The following AKAP13 variants were observed in gnomAD, a reference collection of about 807,000 sequenced individuals.
AKAP13 encodes A-kinase anchoring protein 13.
AKAP13 carries 80 observed loss-of-function variants against 264.5 expected under a neutral mutation model. The ratio of observed to expected loss-of-function variants is 0.30; its 90% CI spans 0.25 to 0.36. The LOEUF (loss-of-function observed/expected upper bound fraction) is 0.36, where lower values mean the gene tolerates loss of function less well. Among genes scored for constraint, AKAP13 ranks in the 10% least tolerant of loss-of-function variants. AKAP13 has a pLI of 1.00. For synonymous variants in AKAP13, 1,380 were observed against 1,250.2 expected, an observed-to-expected ratio of 1.10 and a Z score of -2.19; for missense variants, 3,712 against 3,435.2, an observed-to-expected ratio of 1.08 and a Z score of -2.01.
chr15:85,725,459 C>T lies in AKAP13; in HGVS notation c.6746-951C>T, dbSNP rs375981246. 2.0e-4 allele frequency among the ~76,000 whole-genome samples: 31 copies of T among 152,102 alleles called. No individual in the cohort carries two copies. The East Asian group carries it at 5.4e-3, about 27-fold the overall frequency. Reference sequence around the variant, plus strand: ...AAAAAAACTTTTTCATAACTGATGGCAGTACACAGAAAATTGCAGTAGTTT... The same window carrying T: ...AAAAAAACTTTTTCATAACTGATGGTAGTACACAGAAAATTGCAGTAGTTT... On this transcript the variant is annotated intron_variant, in intron 26 of 36. Coordinates refer to ENST00000394518, the MANE Select transcript of AKAP13 (RefSeq NM_007200.5).
chr15:85,639,977 T>G, intron 9 of AKAP13, among the ~76,000 whole-genome samples: 1 of 152,210 alleles, frequency 6.6e-6, no homozygotes, highest in East Asian at 1.9e-4. Flanking sequence ...ATTAAGTCTT[T>G]CCTTAAGTAC....
rs554653029 is a variant in AKAP13 at position 85,533,856 on chromosome 15, T to C, written c.454T>C (p.Leu152=). ...GAAGCTGCCCACGGAGTGGAATGTA[T>C]TGGGGACAGATCAGAGTTTGCATGG... ...HLKLPTEWNV[L]GTDQSLHDAG... is the part of the protein sequence containing the mutation. The change falls in exon 4 of 37, where the codon TTG becomes CTG. Residue 152 remains leucine, a synonymous_variant. Transcript: ENST00000394518. The C allele has an allele frequency of 3.4e-5, 54 of 1,605,662 alleles. No individual in the cohort carries two copies. Among genetic ancestry groups the C allele is most frequent in the Middle Eastern group, 1.7e-4 (1 of 6,010 alleles).
intron 1 of AKAP13, among the ~76,000 whole-genome samples, chr15:85,478,053 C>A (rs1173751815): frequency 6.6e-6 from 1 of 152,200 alleles, no homozygotes; most frequent in Non-Finnish European, 1.5e-5. Flanking sequence ...TCTGGACCCC[C>A]CATCTTCTAG....
Position 85,581,617 on chromosome 15 carries a change from A to C in AKAP13, c.3549A>C (p.Ala1183=), listed in dbSNP as rs914526402. The C allele has an allele frequency of 8.7e-6, 14 of 1,614,066 alleles. No individual in the cohort carries two copies. In the African/African-American group the frequency reaches 1.9e-4, roughly 22 times the overall value. ...AGGAAGCCCAAATAGACGATGAAGC[A>C]CATCCTGTCCTACTGCAGCCTGTTG... ...DAEEAQIDDE[A]HPVLLQPVAK... Residue 1183 remains alanine, a synonymous_variant, in exon 7 of 37, where the codon GCA becomes GCC. Transcript: ENST00000394518.
intron 8 of AKAP13, among the ~76,000 whole-genome samples, chr15:85,612,599 A>T (rs1286207662): frequency 6.6e-6 from 1 of 152,108 alleles, no homozygotes; most frequent in Non-Finnish European, 1.5e-5. Flanking sequence ...AGGCGGGTGG[A>T]TCATTTGAGG....
chr15:85,667,398 T>C (rs1327753383), intron 13 of AKAP13, among the ~76,000 whole-genome samples: 1 of 152,220 alleles, frequency 6.6e-6, no homozygotes, highest in East Asian at 1.9e-4. Context: ...ATGAAGAATA[T>C]GCTTGTTGAA....
intron 26 of AKAP13, among the ~76,000 whole-genome samples, chr15:85,723,626 G>T (rs1021539643): frequency 2.0e-5 from 3 of 152,112 alleles, no homozygotes; most frequent in African/African-American, 4.8e-5. Context: ...TGTCAAGGAA[G>T]GTGTATTCCC....
rs183878791 is a variant in AKAP13 at position 85,744,213 on chromosome 15, G to T, written c.8392+388G>T. On this transcript the variant is annotated intron_variant, in intron 36 of 36. Transcript: ENST00000394518. ...GAAGTTGGCACTGCTAACCCCAAGA[G>T]AAGTGAGGAAACTGAGGCTCACAGA... 5.3e-3 allele frequency: 1,581 copies of T among 296,374 alleles called. 10 individuals carry two copies. The highest frequency in any genetic ancestry group is 0.016 in the South Asian group (412 of 25,126). 18.4% of individuals were successfully genotyped at this position (296,374 alleles called of 1,614,324 possible).
At chr15:85,649,547 G>A (rs917152341) in intron 10 of AKAP13, among the ~76,000 whole-genome samples, 3 of 152,204 alleles carry the variant, frequency 2.0e-5, no homozygotes, top group Non-Finnish European at 4.4e-5. Context: ...TGTGAACCAT[G>A]AGTGGTACAT....
In AKAP13 at chr15:85,599,501, G is replaced by T. The variant is rs146605552; in HGVS notation, c.4161+13678G>T. ...TCAGGTGATTGACATTTGCTCCTGG[G>T]TGTCAGAGTTACCGTGTATCTCTAC... On this transcript the variant is annotated intron_variant, in intron 8 of 36. Coordinates refer to ENST00000394518, the MANE Select transcript of AKAP13 (RefSeq NM_007200.5). Among the ~76,000 whole-genome samples the T allele has an allele frequency of 2.3e-3, 350 of 152,268 alleles. 2 individuals are homozygous for T. Among genetic ancestry groups the T allele is most frequent in the Middle Eastern group, 0.017 (5 of 294 alleles).
In AKAP13 at chr15:85,717,240, A is replaced by G. The variant is rs754225952; in HGVS notation, c.5736-50A>G. 11 of 1,240,030 alleles carry G rather than the reference A, an allele frequency of 8.9e-6. No homozygotes were observed. In the East Asian group the frequency reaches 1.5e-4, roughly 17 times the overall value. The allele number at this position is 1,240,030 out of a possible 1,614,324, so 76.8% of individuals were successfully genotyped here. On this transcript the variant is annotated intron_variant, in intron 20 of 36. Coordinates refer to ENST00000394518, the MANE Select transcript of AKAP13 (RefSeq NM_007200.5). ...AGGTACTCATTTAAGAATGCAAGCC[A>G]TAGGTTATCAGAATGTATTTGACAG...
rs961240983 is a variant in AKAP13, at chr15:85,741,304, G to A, written c.7867G>A (p.Glu2623Lys). 9.3e-6 allele frequency: 15 copies of A among 1,612,226 alleles called. No homozygotes were observed. The highest frequency in any genetic ancestry group is 2.2e-5 in the East Asian group (1 of 44,816). ...GCGGGAGGCCCTCCTGGCCCAGCGC[G>A]AGGAGGAGGTGCAGCAGGGGCAGCA... is the stretch of plus-strand genomic sequence containing the variant. ...REREALLAQR[E>K]EEVQQGQQDL... The change falls in exon 35 of 37, where the codon GAG becomes AAG. Residue 2623 changes from glutamate to lysine, a missense_variant. Glu to Lys is a moderately conservative substitution (Grantham distance 56). This residue lies in a region of AKAP13 where 611 missense variants were observed against 539.3 expected (regional missense o/e 1.13). Coordinates refer to ENST00000394518, the MANE Select transcript of AKAP13 (RefSeq NM_007200.5).
rs2089324117 is a variant in AKAP13, at chr15:85,744,958, G to C, written c.*281G>C. On this transcript the variant is annotated 3_prime_UTR_variant, in exon 37 of 37. Coordinates refer to ENST00000394518, the MANE Select transcript of AKAP13 (RefSeq NM_007200.5). The stretch of plus-strand genomic sequence containing the variant: ...TACACTGAAAGTAATGGCCTCGTAA[G>C]TACAGGTGATGGTTTTGGACACGTC... 2.9e-6 allele frequency: 1 copy of C among 347,096 alleles called. No individual in the cohort carries two copies. Among genetic ancestry groups the C allele is most frequent in the Non-Finnish European group, 5.2e-6 (1 of 191,440 alleles). The allele number at this position is 347,096 out of a possible 1,614,324, so 21.5% of individuals were successfully genotyped here.
chr15:85,735,509 C>T, intron 31 of AKAP13, 51 bp from the exon 32 acceptor site: 1 of 1,558,754 alleles, frequency 6.4e-7, no homozygotes, highest in South Asian at 1.2e-5. Context: ...CTTTCCTTGG[C>T]TAATCTGTTT....
At chr15:85,663,414 T>C (rs1334262415) in intron 12 of AKAP13, among the ~76,000 whole-genome samples, 1 of 152,206 alleles carries the variant, frequency 6.6e-6, no homozygotes, top group East Asian at 1.9e-4. Flanking sequence ...TATCCATTGT[T>C]TAGTTTACCT....
intron 2 of AKAP13, among the ~76,000 whole-genome samples, chr15:85,516,301 C>G (rs1381093029): frequency 6.6e-6 from 1 of 152,174 alleles, no homozygotes; most frequent in East Asian, 1.9e-4. Context: ...GTTGATGATT[C>G]TTGTCCTCCA....
intron 1 of AKAP13, among the ~76,000 whole-genome samples, chr15:85,484,120 G>A (rs1347108045): frequency 1.3e-5 from 2 of 152,152 alleles, no homozygotes; most frequent in Admixed American, 6.5e-5. Context: ...AGGCAAGTCT[G>A]AGCAGGCCCT....
At chr15:85,582,473 A>G (rs969115687) in intron 7 of AKAP13, among the ~76,000 whole-genome samples, 1 of 152,202 alleles carries the variant, frequency 6.6e-6, no homozygotes, top group Non-Finnish European at 1.5e-5. Context: ...CTCTAGTACC[A>G]TAGAAAACAG....
intron 5 of AKAP13, among the ~76,000 whole-genome samples, chr15:85,562,691 C>CTTTTTTTTTTTTTTTTTTTTTTTTTTTT (rs10598092): frequency 2.2e-4 from 22 of 100,514 alleles, no homozygotes; most frequent in East Asian, 7.9e-4. Context: ...CTTTTCTTTT[C>CTTTTTTTTTTTTTTTTTTTTTTTTTTTT]TTTTTTTTTT....
Sources: allele counts gnomAD v4.1 joint callset (sites outside exome capture counted in the v4.1 genomes callset), GRCh38; gene constraint gnomAD v4.1.1; regional missense constraint gnomAD v4.1.1; transcripts MANE v1.5; gene names NCBI Gene and HGNC (gene_info 2026-07-23, HGNC 2026-07-21).